The following KLHL1 variants were observed in gnomAD, a reference collection of about 807,000 sequenced individuals.
KLHL1 encodes the protein kelch like family member 1, also known as kelch-like protein 1.
In KLHL1, 47 loss-of-function variants were observed where a neutral mutation model predicts 77.7. The observed-to-expected ratio is 0.60, with a 90% CI of 0.48 to 0.77. KLHL1 has a LOEUF of 0.77. Among genes scored for constraint, KLHL1 ranks in the 30% least tolerant of loss-of-function variants. The probability of loss-of-function intolerance (pLI) is 0.00; values close to 1 mark genes in which losing one functional copy is unlikely to be tolerated. For missense variants in KLHL1, 925 were observed against 910.8 expected (o/e 1.02, Z -0.20); for synonymous variants, 360 against 325.2 (o/e 1.11, Z -1.15).
chr13:69,969,941 T>TC lies in KLHL1; in HGVS notation c.680+5678_680+5679insG, dbSNP rs11405654. Among the ~76,000 whole-genome samples the TC allele has an allele frequency of 5.3e-5, 8 of 152,286 alleles. No individual in the cohort carries two copies. The South Asian group carries it at 1.7e-3, about 32-fold the overall frequency. ...ATTTCCTTCAAATCGATTAAACTTT[T>TC]TAAGTTCCACTTCAATTTATTATGG... On this transcript the variant is annotated intron_variant, in intron 2 of 10. Coordinates refer to ENST00000377844, the MANE Select transcript of KLHL1 (RefSeq NM_020866.3).
intron 8 of KLHL1, among the ~76,000 whole-genome samples, chr13:69,736,679 G>GATATATATATAT (rs139208405): frequency 1.8e-4 from 26 of 146,328 alleles, no homozygotes; most frequent in Admixed American, 4.7e-4. Flanking sequence ...GAGATTGTGA[G>GATATATATATAT]ATATATATAT....
At chr13:69,727,447 C>T (rs2137907953) in intron 8 of KLHL1, among the ~76,000 whole-genome samples, 1 of 152,068 alleles carries the variant, frequency 6.6e-6, no homozygotes, top group South Asian at 2.1e-4. Flanking sequence ...GGAATCTAGG[C>T]AGAAACGAGT....
chr13:70,051,533 C>A (rs1886629851), intron 1 of KLHL1, among the ~76,000 whole-genome samples: 1 of 152,002 alleles, frequency 6.6e-6, no homozygotes, highest in African/African-American at 2.4e-5. Context: ...TATTAAAAGA[C>A]AAGCACTTTA....
chr13:69,771,902 T>C (rs889748757), intron 7 of KLHL1, among the ~76,000 whole-genome samples: 1 of 152,164 alleles, frequency 6.6e-6, no homozygotes, highest in East Asian at 1.9e-4. Context: ...TTTTTTCTCA[T>C]GTATATCTTT....
intron 4 of KLHL1, chr13:69,894,352 C>G (rs1332488798): frequency 6.4e-6 from 1 of 156,008 alleles, no homozygotes; most frequent in South Asian, 1.9e-4. Context: ...AATTTCTAGT[C>G]AATACGATCT....
chr13:69,779,144 C>T (rs930651542), intron 7 of KLHL1, among the ~76,000 whole-genome samples: 1 of 151,950 alleles, frequency 6.6e-6, no homozygotes, highest in Non-Finnish European at 1.5e-5. Context: ...GATGTGATTC[C>T]TAGCATTAAA....
chr13:69,732,328 TA>T (rs1873583875), intron 8 of KLHL1, among the ~76,000 whole-genome samples: 1 of 152,142 alleles, frequency 6.6e-6, no homozygotes, highest in African/African-American at 2.4e-5. Context: ...CTCAATAGAC[TA>T]AAAACTTTCC....
chr13:69,985,792 ATT>A (rs1256079855), intron 1 of KLHL1, among the ~76,000 whole-genome samples: 1 of 142,604 alleles, frequency 7.0e-6, no homozygotes, highest in Non-Finnish European at 1.5e-5. Context: ...ATATATATAT[ATT>A]TTATATATAT....
At chr13:70,035,078 A>G (rs571463508) in intron 1 of KLHL1, among the ~76,000 whole-genome samples, 6 of 152,272 alleles carry the variant, frequency 3.9e-5, no homozygotes, top group Admixed American at 1.3e-4. Context: ...ATTAAATGTT[A>G]TTATATTAAT....
At chr13:70,078,751 G>C (rs1887322129) in intron 1 of KLHL1, among the ~76,000 whole-genome samples, 1 of 151,792 alleles carries the variant, frequency 6.6e-6, no homozygotes, top group South Asian at 2.1e-4. Flanking sequence ...GCAAAAATGT[G>C]GTTTTTAAAA....
At chr13:69,728,217 A>G (rs1873388221) in intron 8 of KLHL1, among the ~76,000 whole-genome samples, 1 of 152,096 alleles carries the variant, frequency 6.6e-6, no homozygotes, top group African/African-American at 2.4e-5. Context: ...GAAGAATACC[A>G]AAATTTGAAT....
chr13:69,783,198 A>G (rs1235660890), intron 7 of KLHL1, among the ~76,000 whole-genome samples: 2 of 152,152 alleles, frequency 1.3e-5, no homozygotes, highest in Non-Finnish European at 2.9e-5. Context: ...TCAAAGATCA[A>G]AAGTAGATAA....
intron 4 of KLHL1, among the ~76,000 whole-genome samples, chr13:69,916,632 G>C (rs929658603): frequency 1.8e-4 from 27 of 151,954 alleles, no homozygotes; most frequent in African/African-American, 6.0e-4. Flanking sequence ...GGAGATATAC[G>C]TAATGTTAAA....
rs935896493 is a variant in KLHL1 at position 69,969,885 on chromosome 13, G to T, written c.680+5735C>A. ...GAAGTATATGCATGCAACCACACTA[G>T]AAAATCTCTTATTGAGGTCACTACA... is the stretch of plus-strand genomic sequence containing the variant. On this transcript the variant is annotated intron_variant, in intron 2 of 10. Transcript: ENST00000377844. Among the ~76,000 whole-genome samples the T allele has an allele frequency of 2.6e-5, 4 of 152,126 alleles. No individual in the cohort carries two copies. In the East Asian group the frequency reaches 7.7e-4, roughly 29 times the overall value.
intron 6 of KLHL1, among the ~76,000 whole-genome samples, chr13:69,798,726 A>G (rs1950764056): frequency 6.6e-6 from 1 of 152,144 alleles, no homozygotes; most frequent in East Asian, 1.9e-4. Context: ...TGGATTCTCA[A>G]AGCTTGATAA....
intron 1 of KLHL1, among the ~76,000 whole-genome samples, chr13:70,021,347 T>C (rs1885788490): frequency 6.6e-6 from 1 of 152,118 alleles, no homozygotes; most frequent in Admixed American, 6.6e-5. Context: ...ATAGGCCACT[T>C]CTTTATAACA....
chr13:69,746,452 C>T (rs1874216730), intron 7 of KLHL1, among the ~76,000 whole-genome samples: 1 of 151,894 alleles, frequency 6.6e-6, no homozygotes, highest in Non-Finnish European at 1.5e-5. Flanking sequence ...ATTATATAAA[C>T]TCTGATTTAT....
intron 6 of KLHL1, among the ~76,000 whole-genome samples, chr13:69,813,617 T>C (rs571097938): frequency 1.3e-5 from 2 of 151,896 alleles, no homozygotes; most frequent in South Asian, 4.2e-4. Flanking sequence ...ATGTTCAAGG[T>C]GAGAACCGAA....
intron 10 of KLHL1, among the ~76,000 whole-genome samples, chr13:69,707,036 A>T (rs1875658644): frequency 6.6e-6 from 1 of 152,004 alleles, no homozygotes; most frequent in Non-Finnish European, 1.5e-5. Context: ...GGACAAAATG[A>T]TTGACAAGGA....
Sources: gnomAD v4.1 joint callset for allele counts (sites outside exome capture counted in the v4.1 genomes callset) on GRCh38, gnomAD v4.1.1 for gene constraint, MANE v1.5 for transcripts, NCBI Gene and HGNC (gene_info 2026-07-23, HGNC 2026-07-21) for gene names.